The following TTC28 variants were observed in gnomAD, a reference collection of about 807,000 sequenced individuals.
TTC28 encodes the protein tetratricopeptide repeat protein 28.
A neutral mutation model predicts 198.0 loss-of-function variants in TTC28; 61 were observed. The ratio of observed to expected loss-of-function variants is 0.31; its 90% CI spans 0.25 to 0.38. TTC28 has a LOEUF of 0.38. Among genes scored for constraint, TTC28 ranks in the 10% least tolerant of loss-of-function variants. TTC28 has a pLI of 1.00. For synonymous variants in TTC28, 1,171 were observed against 1,297.8 expected, an observed-to-expected ratio of 0.90 and a Z score of 2.10; for missense variants, 2,678 against 3,164.0, an observed-to-expected ratio of 0.85 and a Z score of 3.69.
At chr22:28,673,220 A>C (rs1321278242) in intron 1 of TTC28, among the ~76,000 whole-genome samples, 2 of 152,162 alleles carry the variant, frequency 1.3e-5, no homozygotes, top group Non-Finnish European at 2.9e-5. Context: ...TAAAAATACA[A>C]AAATTTAGCT....
intron 5 of TTC28, among the ~76,000 whole-genome samples, chr22:28,207,389 C>T (rs1013914600): frequency 3.3e-5 from 5 of 152,044 alleles, no homozygotes; most frequent in African/African-American, 7.2e-5. Flanking sequence ...TGCTTGGCTA[C>T]ATGGCAGAAT....
intron 2 of TTC28, among the ~76,000 whole-genome samples, chr22:28,534,627 G>A (rs1442405611): frequency 6.6e-6 from 1 of 152,102 alleles, no homozygotes; most frequent in Non-Finnish European, 1.5e-5. Context: ...TGTTTACTGT[G>A]GCACTATTCA....
In TTC28 at chr22:28,629,768, T is replaced by C; in HGVS notation, c.165A>G (p.Lys55=). 1 of 1,551,720 alleles carries C rather than the reference T, an allele frequency of 6.4e-7. No homozygotes were observed. Among genetic ancestry groups the C allele is most frequent in the Non-Finnish European group, 8.7e-7 (1 of 1,146,974 alleles). The change falls in exon 2 of 23, where the codon AAA becomes AAG. Residue 55 remains lysine, a synonymous_variant. Transcript: ENST00000397906. ...GACGAACTTTCTCAACAAATTCAGC[T>C]TTGCTCAGTACCGGTCCATCAGGAC... The part of the protein sequence containing the change: ...QRSPDGPVLS[K]AEFVEKVRQS...
At chr22:28,037,274 T>C (rs192093343) in intron 12 of TTC28, among the ~76,000 whole-genome samples, 25 of 152,244 alleles carry the variant, frequency 1.6e-4, no homozygotes, top group African/African-American at 5.5e-4. Context: ...CTCAATAAAA[T>C]ACTGGCAAAC....
chr22:28,309,646 T>G (rs1030941844), intron 2 of TTC28, among the ~76,000 whole-genome samples: 5 of 152,214 alleles, frequency 3.3e-5, no homozygotes, highest in African/African-American at 4.8e-5. Context: ...TACAAACTTA[T>G]ATATACGGAC....
At chr22:28,604,297 T>TTTTATATA (rs1555900567) in intron 2 of TTC28, among the ~76,000 whole-genome samples, 5 of 114,142 alleles carry the variant, frequency 4.4e-5, no homozygotes, top group African/African-American at 1.8e-4. Flanking sequence ...AAAAAAAAAA[T>TTTTATATA]TATATATATA....
At chr22:28,375,225 A>C (rs2046392035) in intron 2 of TTC28, among the ~76,000 whole-genome samples, 1 of 152,246 alleles carries the variant, frequency 6.6e-6, no homozygotes. Flanking sequence ...TAATATAAGT[A>C]AAGTTAATAA....
intron 5 of TTC28, among the ~76,000 whole-genome samples, chr22:28,258,639 C>A (rs889179227): frequency 2.0e-5 from 3 of 151,778 alleles, no homozygotes; most frequent in Non-Finnish European, 4.4e-5. Flanking sequence ...GGACAGCAAC[C>A]CCAATAAAAA....
chr22:28,016,740 C>T (rs1032186088), intron 13 of TTC28, among the ~76,000 whole-genome samples: 4 of 152,192 alleles, frequency 2.6e-5, no homozygotes, highest in Non-Finnish European at 5.9e-5. Context: ...GAAAGAGACC[C>T]CAGCTCTAGG....
intron 5 of TTC28, among the ~76,000 whole-genome samples, chr22:28,207,863 G>A (rs193213978): frequency 2.6e-5 from 4 of 152,142 alleles, no homozygotes; most frequent in Admixed American, 1.3e-4. Context: ...CTTCAGAAAC[G>A]GTGATAAAAA....
chr22:28,676,022 G>C (rs1281569728), intron 1 of TTC28, among the ~76,000 whole-genome samples: 1 of 151,988 alleles, frequency 6.6e-6, no homozygotes, highest in Admixed American at 6.6e-5. Flanking sequence ...ATATACCCAA[G>C]GGAAATGAAA....
At chr22:28,042,032 A>G (rs995370330) in intron 12 of TTC28, among the ~76,000 whole-genome samples, 3 of 152,242 alleles carry the variant, frequency 2.0e-5, no homozygotes, top group Admixed American at 6.5e-5. Flanking sequence ...ACAATGAGAT[A>G]CCATCTTATG....
intron 5 of TTC28, among the ~76,000 whole-genome samples, chr22:28,185,163 A>G (rs774245620): frequency 1.3e-5 from 2 of 152,132 alleles, no homozygotes; most frequent in Non-Finnish European, 2.9e-5. Flanking sequence ...TTACACAAAA[A>G]TTCACTCTTG....
intron 12 of TTC28, among the ~76,000 whole-genome samples, chr22:28,092,202 A>G (rs1172806284): frequency 6.6e-6 from 1 of 152,196 alleles, no homozygotes; most frequent in Non-Finnish European, 1.5e-5. Flanking sequence ...TTGGTTAATG[A>G]AAGTTCGCTT....
At chr22:28,529,335 G>A (rs999405714) in intron 2 of TTC28, among the ~76,000 whole-genome samples, 4 of 152,344 alleles carry the variant, frequency 2.6e-5, no homozygotes, top group South Asian at 2.1e-4. Flanking sequence ...AGATCGAACT[G>A]CAAGGCAGCA....
At chr22:28,188,564 A>G (rs985895941) in intron 5 of TTC28, among the ~76,000 whole-genome samples, 1 of 152,238 alleles carries the variant, frequency 6.6e-6, no homozygotes, top group Non-Finnish European at 1.5e-5. Context: ...GACGGGGGCC[A>G]AGATGGGGGC....
At chr22:28,663,489 C>T (rs1163061794) in intron 1 of TTC28, among the ~76,000 whole-genome samples, 1 of 142,428 alleles carries the variant, frequency 7.0e-6, no homozygotes, top group African/African-American at 2.6e-5. Flanking sequence ...ACCTGGGAAG[C>T]GCAAGGGGTC....
intron 2 of TTC28, among the ~76,000 whole-genome samples, chr22:28,392,749 C>T (rs994060352): frequency 6.6e-6 from 1 of 152,166 alleles, no homozygotes; most frequent in African/African-American, 2.4e-5. Context: ...GTCTGGCACT[C>T]CCTAGTGAGA....
intron 2 of TTC28, among the ~76,000 whole-genome samples, chr22:28,585,347 A>G (rs1229179448): frequency 6.6e-6 from 1 of 152,152 alleles, no homozygotes; most frequent in Non-Finnish European, 1.5e-5. Flanking sequence ...GTGATGGGAG[A>G]CAGTGACAGA....
Sources: gnomAD v4.1 joint callset for allele counts (sites outside exome capture counted in the v4.1 genomes callset) on GRCh38, gnomAD v4.1.1 for gene constraint, MANE v1.5 for transcripts, NCBI Gene and HGNC (gene_info 2026-07-23, HGNC 2026-07-21) for gene names.